The following CAMK2B variants were observed in gnomAD, a reference collection of about 807,000 sequenced individuals.
CAMK2B encodes the protein calcium/calmodulin dependent protein kinase II beta.
CAMK2B carries 27 observed loss-of-function variants against 93.7 expected under a neutral mutation model. The ratio of observed to expected loss-of-function variants is 0.29; its 90% CI spans 0.21 to 0.40. CAMK2B has a LOEUF of 0.40. Among genes scored for constraint, CAMK2B ranks in the 10% least tolerant of loss-of-function variants. CAMK2B has a pLI of 1.00. For synonymous variants in CAMK2B, 374 were observed against 358.8 expected (o/e 1.04, Z -0.48); for missense variants, 568 against 895.8 (o/e 0.63, Z 4.67).
At chr7:44,288,406 C>T (rs972634881) in intron 1 of CAMK2B, among the ~76,000 whole-genome samples, 18 of 152,294 alleles carry the variant, frequency 1.2e-4, no homozygotes, top group South Asian at 2.1e-4. Flanking sequence ...AAGGGCACAG[C>T]GGGTTGGGGC....
At chr7:44,307,172 G>A (rs111211431) in intron 1 of CAMK2B, among the ~76,000 whole-genome samples, 25,215 of 87,632 alleles carry the variant, frequency 0.29, 6,028 homozygotes, top group Non-Finnish European at 0.35. Flanking sequence ...TGTGAGCAGA[G>A]GGAGGAGGGT....
At chr7:44,322,865 C>T (rs575523653) in intron 1 of CAMK2B, among the ~76,000 whole-genome samples, 1 of 152,368 alleles carries the variant, frequency 6.6e-6, no homozygotes, top group African/African-American at 2.4e-5. Flanking sequence ...AGCTCAGCGC[C>T]ACCTGACTGG....
intron 16 of CAMK2B, 124 bp from the exon 17 acceptor site, chr7:44,231,178 C>T (rs2096575611): frequency 1.3e-6 from 1 of 763,572 alleles, no homozygotes; most frequent in Non-Finnish European, 2.1e-6. Flanking sequence ...TGATCTCTGC[C>T]TCGGCTGCTT....
Position 44,226,551 on chromosome 7 carries a change from G to C in CAMK2B, c.1562C>G (p.Pro521Arg). The C allele has an allele frequency of 6.8e-7, 1 of 1,461,130 alleles. No individual in the cohort carries two copies. Among genetic ancestry groups the C allele is most frequent in the Middle Eastern group, 1.8e-4 (1 of 5,532 alleles). 90.5% of individuals were successfully genotyped at this position (1,461,130 alleles called of 1,614,324 possible). A position where few individuals can be genotyped will look rare whatever the true frequency, so the allele number is the denominator to read the frequency against. ...GPSPVGPPPC[P>R]SPTIPGPLPT... ...CAGGGGGCCAGGGATAGTCGGAGATGGGCAGGGCGGGGGCCCCACTGGCGA... is the reference window on the plus strand; with the variant it reads ...CAGGGGGCCAGGGATAGTCGGAGATCGGCAGGGCGGGGGCCCCACTGGCGA... Residue 521 changes from proline to arginine, a missense_variant, in exon 20 of 24, where the codon CCA (proline) becomes CGA (arginine). Around this residue, in one of 4 missense-constraint regions of CAMK2B, gnomAD observed 308 missense variants for 292.1 expected, o/e 1.05. Transcript: ENST00000395749.
At position 44,242,248 on chromosome 7, in the gene CAMK2B, G is replaced by T. The variant is rs1233103909; in HGVS notation, c.789C>A (p.Ala263=). The change falls in exon 10 of 24, where the codon GCC becomes GCA. Residue 263 remains alanine (A), a synonymous_variant. Coordinates refer to ENST00000395749, the MANE Select transcript of CAMK2B (RefSeq NM_001220.5). ...CCCACGGGTGCTTCAGGGCCTCATG[G>T]GCTGTGATGCGCTTGGCAGGGTTGA... ...LTINPAKRIT[A]HEALKHPWVC... 3 of 1,614,064 alleles carry T rather than the reference G, an allele frequency of 1.9e-6. No individual in the cohort carries two copies. Among genetic ancestry groups the T allele is most frequent in the Non-Finnish European group, 1.7e-6 (2 of 1,179,918 alleles).
At chr7:44,273,941 T>A (rs1007436761) in intron 2 of CAMK2B, among the ~76,000 whole-genome samples, 10 of 152,140 alleles carry the variant, frequency 6.6e-5, no homozygotes, top group Non-Finnish European at 2.9e-5. Flanking sequence ...ACTGCCACAT[T>A]TTTTAAGGTA....
intron 1 of CAMK2B, among the ~76,000 whole-genome samples, chr7:44,287,599 CTCTGACT>C (rs1785480448): frequency 6.6e-6 from 1 of 152,226 alleles, no homozygotes; most frequent in Non-Finnish European, 1.5e-5. Flanking sequence ...GGCCCAACAT[CTCTGACT>C]TCTCCAAGAG....
chr7:44,221,912 G>C (rs1307882212), intron 20 of CAMK2B, among the ~76,000 whole-genome samples: 1 of 152,206 alleles, frequency 6.6e-6, no homozygotes, highest in African/African-American at 2.4e-5. Context: ...TTTCCTATTT[G>C]CTTTAGACGC....
chr7:44,228,793 T>C lies in CAMK2B; in HGVS notation c.1468+3A>G, dbSNP rs986514625. 6.1e-6 allele frequency: 9 copies of C among 1,478,286 alleles called. No homozygotes were observed. In the Admixed American group the frequency reaches 1.9e-4, roughly 31 times the overall value. The allele number at this position is 1,478,286 out of a possible 1,614,324, so 91.6% of individuals were successfully genotyped here. Reference sequence around the variant, plus strand: ...GGCGGCAGGCCTGGGGGCCACTACTTACACGGGGAGGACAGGGGGCCTAGG... The same window carrying C: ...GGCGGCAGGCCTGGGGGCCACTACTCACACGGGGAGGACAGGGGGCCTAGG... On this transcript the variant is annotated splice_donor_region_variant and intron_variant, in intron 19 of 23. Transcript: ENST00000395749.
intron 1 of CAMK2B, among the ~76,000 whole-genome samples, chr7:44,321,926 C>T (rs1053754343): frequency 6.6e-6 from 1 of 152,208 alleles, no homozygotes. Context: ...GGGAGAGTGG[C>T]GGCACCTGCA....
chr7:44,306,869 G>A (rs1791774460), intron 1 of CAMK2B, among the ~76,000 whole-genome samples: 1 of 144,402 alleles, frequency 6.9e-6, no homozygotes, highest in Admixed American at 6.8e-5. Flanking sequence ...GAAGGAAGGT[G>A]TGAGCAGGAG....
intron 19 of CAMK2B, among the ~76,000 whole-genome samples, chr7:44,227,942 G>C (rs1019717222): frequency 2.1e-5 from 3 of 140,290 alleles, no homozygotes; most frequent in African/African-American, 5.3e-5. Context: ...GGCTGACCGA[G>C]GGGGATATGG....
chr7:44,285,871 C>CG (rs1240801559), intron 1 of CAMK2B, among the ~76,000 whole-genome samples: 7 of 10,884 alleles, frequency 6.4e-4, no homozygotes, highest in African/African-American at 2.5e-3. Context: ...GGGGGCGCGG[C>CG]GGGGGGGCGC....
chr7:44,275,050 C>G (rs1404036321), intron 2 of CAMK2B, among the ~76,000 whole-genome samples: 3 of 152,236 alleles, frequency 2.0e-5, no homozygotes, highest in African/African-American at 7.2e-5. Flanking sequence ...TTTTCTGCCA[C>G]TGACAAGCCC....
chr7:44,300,817 C>T (rs558989750), intron 1 of CAMK2B, among the ~76,000 whole-genome samples: 7 of 152,164 alleles, frequency 4.6e-5, no homozygotes, highest in East Asian at 1.9e-4. Context: ...CATCCAACAA[C>T]GGCAGAATAC....
At chr7:44,240,589 G>T in intron 12 of CAMK2B, 118 bp downstream of exon 12, 1 of 1,167,044 alleles carries the variant, frequency 8.6e-7, no homozygotes, top group Non-Finnish European at 1.3e-6. Context: ...GAGGGCAGAC[G>T]CCGAGGGCAG....
chr7:44,263,205 C>T (rs1448564644), intron 2 of CAMK2B, 141 bp from the exon 3 acceptor site: 4 of 693,866 alleles, frequency 5.8e-6, no homozygotes, highest in Non-Finnish European at 9.2e-6. Flanking sequence ...AGGGAACACC[C>T]TTCGTGGCAC....
intron 2 of CAMK2B, among the ~76,000 whole-genome samples, chr7:44,269,181 G>A (rs1164756418): frequency 6.6e-6 from 1 of 152,206 alleles, no homozygotes; most frequent in Non-Finnish European, 1.5e-5. Context: ...GGCACAGAGA[G>A]GAGCTCAAAG....
intron 2 of CAMK2B, 122 bp from the exon 3 acceptor site, chr7:44,263,186 C>A: frequency 2.3e-6 from 2 of 863,004 alleles, no homozygotes; most frequent in East Asian, 2.6e-5. Flanking sequence ...AGTGGTTGTG[C>A]CCCCACCAAG....
Sources: allele counts gnomAD v4.1 joint callset (sites outside exome capture counted in the v4.1 genomes callset), GRCh38; gene constraint gnomAD v4.1.1; regional missense constraint gnomAD v4.1.1; transcripts MANE v1.5; gene names NCBI Gene and HGNC (gene_info 2026-07-23, HGNC 2026-07-21).